CHD6: variants seen among roughly 807,000 people sequenced by gnomAD.
CHD6 encodes ATP-dependent chromatin remodeler CHD6.
In CHD6, 50 loss-of-function variants were observed where a neutral mutation model predicts 276.9. The ratio of observed to expected loss-of-function variants is 0.18; its 90% confidence interval spans 0.14 to 0.23. The LOEUF (loss-of-function observed/expected upper bound fraction) is 0.23, where lower values mean the gene tolerates loss of function less well. CHD6 is among the 10% of genes least tolerant of loss of function. CHD6 has a pLI of 1.00. For synonymous variants in CHD6, 1,173 were observed against 1,229.3 expected (o/e 0.95, Z 0.96); for missense variants, 2,564 against 3,365.8 (o/e 0.76, Z 5.89).
intron 27 of CHD6, among the ~76,000 whole-genome samples, chr20:41,430,024 A>G (rs1383968346): frequency 6.6e-6 from 1 of 152,240 alleles, no homozygotes; most frequent in Non-Finnish European, 1.5e-5. Context: ...GCCTGAGGAC[A>G]GAGCTGGGAG....
At chr20:41,566,261 G>A (rs1030327301) in intron 1 of CHD6, among the ~76,000 whole-genome samples, 4 of 152,108 alleles carry the variant, frequency 2.6e-5, no homozygotes, top group African/African-American at 7.2e-5. Flanking sequence ...ACTATGCCAT[G>A]TACTCTCCCT....
At chr20:41,511,523 T>G (rs1447582838) in intron 5 of CHD6, among the ~76,000 whole-genome samples, 1 of 152,214 alleles carries the variant, frequency 6.6e-6, no homozygotes, top group East Asian at 1.9e-4. Context: ...ACTGCTAAAA[T>G]GCAAATATAG....
At chr20:41,416,440 G>A (rs2046998878) in intron 33 of CHD6, 148 bp downstream of exon 33, 1 of 668,332 alleles carries the variant, frequency 1.5e-6, no homozygotes, top group South Asian at 1.9e-5. Flanking sequence ...ACAGGATAAA[G>A]TCTAAATTCC....
intron 25 of CHD6, among the ~76,000 whole-genome samples, chr20:41,445,157 A>G (rs2048025819): frequency 6.6e-6 from 1 of 152,214 alleles, no homozygotes; most frequent in Admixed American, 6.5e-5. Context: ...TAGTGGCTCA[A>G]TTACCACATT....
At chr20:41,413,676 C>A in intron 34 of CHD6, 161 bp from the exon 35 acceptor site, 1 of 540,824 alleles carries the variant, frequency 1.8e-6, no homozygotes, top group South Asian at 3.0e-5. Flanking sequence ...CACCACTGAC[C>A]CACGCCCACA....
At position 41,445,678 on chromosome 20, in the gene CHD6, G is replaced by A. The variant is rs139410145; in HGVS notation, c.3864C>T (p.Gly1288=). ...DAEADKSLLI[G]VFKHGYERYN... ...AGAAATACACACCATGCTTGAACAC[G>A]CCAATGAGAAGTGACTTATCGGCTT... is the stretch of plus-strand genomic sequence containing the variant. The change falls in exon 25 of 37, where the codon GGC becomes GGT. Residue 1288 remains glycine, a synonymous_variant. Coordinates refer to ENST00000373233, the MANE Select transcript of CHD6 (RefSeq NM_032221.5). The A allele has an allele frequency of 2.2e-4, 351 of 1,610,856 alleles. No homozygotes were observed. The highest frequency in any genetic ancestry group is 2.8e-4 in the Non-Finnish European group (327 of 1,177,212).
Position 41,489,036 on chromosome 20 carries a change from T to G in CHD6, c.1681-432A>C, listed in dbSNP as rs889281597. 4.6e-5 allele frequency among the ~76,000 whole-genome samples: 7 copies of G among 152,248 alleles called. No individual in the cohort carries two copies. The South Asian group carries it at 1.5e-3, about 32-fold the overall frequency. ...TTATAATTTGAGTTCTAGCACAGAT[T>G]GAAGGTAATGATTCTGATGCACCTA... is the stretch of plus-strand genomic sequence containing the variant. On this transcript the variant is annotated intron_variant, in intron 12 of 36. Coordinates refer to ENST00000373233, the MANE Select transcript of CHD6 (RefSeq NM_032221.5).
chr20:41,525,878 G>T (rs6065366), intron 3 of CHD6, among the ~76,000 whole-genome samples: 72,161 of 151,914 alleles, frequency 0.48, 18,562 homozygotes, highest in African/African-American at 0.68. Flanking sequence ...TTTTGCCTGT[G>T]TCTTGAACAC....
Position 41,421,678 on chromosome 20 carries a change from C to G in CHD6, c.4957G>C (p.Glu1653Gln). Residue 1653 changes from glutamate to glutamine, a missense_variant, in exon 31 of 37, where the codon GAG (glutamate) becomes CAG (glutamine). By Grantham distance (29) the Glu-to-Gln change is conservative (BLOSUM62 2). Coordinates refer to ENST00000373233, the MANE Select transcript of CHD6 (RefSeq NM_032221.5). ...TTTTCAGGTTCATTTTCAAGGGACTCTGAAGTCCTACTCATTTGAGAATAT... is the reference window on the plus strand; with the variant it reads ...TTTTCAGGTTCATTTTCAAGGGACTGTGAAGTCCTACTCATTTGAGAATAT... ...LTYSQMSRTS[E>Q]SLENEPENLV... 1 of 1,613,588 alleles carries G rather than the reference C, an allele frequency of 6.2e-7. No homozygotes were observed. The highest frequency in any genetic ancestry group is 8.5e-7 in the Non-Finnish European group (1 of 1,179,638).
chr20:41,504,077 CA>C (rs1189323419), intron 5 of CHD6, among the ~76,000 whole-genome samples: 768 of 27,060 alleles, frequency 0.028, 1 homozygote, highest in Middle Eastern at 0.059. Context: ...GACTCTGTCT[CA>C]AAAAAAAAAA....
chr20:41,511,080 G>A (rs73123243), intron 5 of CHD6, among the ~76,000 whole-genome samples: 1,864 of 152,248 alleles, frequency 0.012, 15 homozygotes, highest in Non-Finnish European at 0.019. Flanking sequence ...TTAAAATAGG[G>A]ACAATAGTCC....
intron 36 of CHD6, among the ~76,000 whole-genome samples, chr20:41,408,003 G>C (rs2046730359): frequency 6.6e-6 from 1 of 151,850 alleles, no homozygotes; most frequent in Admixed American, 6.6e-5. Context: ...GAATGTTTCT[G>C]AGTCCCCAGA....
chr20:41,501,527 G>T (rs1210203864), intron 5 of CHD6, among the ~76,000 whole-genome samples: 1 of 152,072 alleles, frequency 6.6e-6, no homozygotes, highest in Non-Finnish European at 1.5e-5. Context: ...ACACTGTGAA[G>T]TATTTTGTAA....
chr20:41,612,896 T>A, intron 1 of CHD6, among the ~76,000 whole-genome samples: 1 of 152,178 alleles, frequency 6.6e-6, no homozygotes, highest in Non-Finnish European at 1.5e-5. Flanking sequence ...CTATTCAACT[T>A]CTGGTCTGGC....
intron 1 of CHD6, among the ~76,000 whole-genome samples, chr20:41,603,255 G>A (rs1483492930): frequency 6.6e-6 from 1 of 152,076 alleles, no homozygotes; most frequent in Non-Finnish European, 1.5e-5. Context: ...GGGAGGCTGA[G>A]GCTTTGAACC....
At chr20:41,492,200 A>G (rs1484692095) in intron 10 of CHD6, among the ~76,000 whole-genome samples, 2 of 152,192 alleles carry the variant, frequency 1.3e-5, no homozygotes, top group Admixed American at 6.5e-5. Context: ...GTTTCTTACC[A>G]TATCTCACAC....
chr20:41,602,722 T>TC (rs1555812134), intron 1 of CHD6, among the ~76,000 whole-genome samples: 1 of 152,148 alleles, frequency 6.6e-6, no homozygotes, highest in South Asian at 2.1e-4. Context: ...TCAGTAAAAC[T>TC]TTTTTTGGAG....
At chr20:41,564,151 G>A in intron 1 of CHD6, 1 of 740,536 alleles carries the variant, frequency 1.4e-6, no homozygotes, top group African/African-American at 1.7e-5. Context: ...TGACACATGG[G>A]CTAAAAACAA....
At position 41,491,836 on chromosome 20, in the gene CHD6, A is replaced by T; in HGVS notation, c.1315-17T>A. On this transcript the variant is annotated splice_polypyrimidine_tract_variant and intron_variant, in intron 10 of 36. Coordinates refer to ENST00000373233, the MANE Select transcript of CHD6 (RefSeq NM_032221.5). ...AGGCCGCTCCTAGGGAGGAAAGCAA[A>T]CAGCATAATAGATAGAGAATGATGT... The T allele has an allele frequency of 1.2e-6, 2 of 1,613,480 alleles. No homozygotes were observed. Among genetic ancestry groups the T allele is most frequent in the Non-Finnish European group, 8.5e-7 (1 of 1,179,514 alleles).
Sources: gnomAD v4.1 joint callset for allele counts (sites outside exome capture counted in the v4.1 genomes callset) on GRCh38, gnomAD v4.1.1 for gene constraint, MANE v1.5 for transcripts, NCBI Gene and HGNC (gene_info 2026-07-23, HGNC 2026-07-21) for gene names.